Variants in PALM2AKAP2 observed in about 807,000 individuals in gnomAD.
PALM2AKAP2 encodes PALM2 and AKAP2 fusion.
A neutral mutation model predicts 71.5 loss-of-function variants in PALM2AKAP2; 37 were observed. That is an observed-to-expected ratio of 0.52 (90% CI 0.40 to 0.68). The LOEUF (loss-of-function observed/expected upper bound fraction) is 0.68, where lower values mean the gene tolerates loss of function less well. Ranked by LOEUF, PALM2AKAP2 falls within the 30% of genes least tolerant of loss-of-function variation. PALM2AKAP2 has a pLI of 0.00. For missense variants in PALM2AKAP2, 1,224 were observed against 1,191.8 expected (o/e 1.03, Z -0.40); for synonymous variants, 468 against 478.8 (o/e 0.98, Z 0.29).
chr9:109,729,978 T>C (rs968877324), intron 1 of PALM2AKAP2, among the ~76,000 whole-genome samples: 2 of 152,338 alleles, frequency 1.3e-5, no homozygotes, highest in Non-Finnish European at 2.9e-5. Context: ...ATCACTTGTT[T>C]GCATACAACA....
At chr9:110,107,381 TA>T (rs1366269557) in intron 1 of PALM2AKAP2, among the ~76,000 whole-genome samples, 2 of 152,184 alleles carry the variant, frequency 1.3e-5, no homozygotes, top group Non-Finnish European at 2.9e-5. Context: ...ATATAATAAG[TA>T]AATTTTAGAA....
intron 6 of PALM2AKAP2, chr9:109,943,527 A>G: frequency 6.9e-7 from 1 of 1,451,960 alleles, no homozygotes; most frequent in Non-Finnish European, 9.2e-7. Flanking sequence ...GGAAGCAAAC[A>G]CCTGCCTTGC....
chr9:109,943,388 A>C, intron 6 of PALM2AKAP2: 1 of 1,613,096 alleles, frequency 6.2e-7, no homozygotes, highest in Non-Finnish European at 8.5e-7. Flanking sequence ...CCAGGTACCC[A>C]AAAGAAAAAG....
At chr9:109,916,042 C>T (rs965254948) in intron 3 of PALM2AKAP2, among the ~76,000 whole-genome samples, 4 of 151,994 alleles carry the variant, frequency 2.6e-5, no homozygotes, top group Admixed American at 2.0e-4. Flanking sequence ...CTCCCAGGTT[C>T]AAGCGATTCT....
At chr9:109,955,043 T>C (rs143004984) in intron 6 of PALM2AKAP2, among the ~76,000 whole-genome samples, 1 of 152,244 alleles carries the variant, frequency 6.6e-6, no homozygotes, top group East Asian at 1.9e-4. Context: ...TTCTTACTCT[T>C]GGCCCACTTC....
chr9:110,035,591 A>G (rs947253276), intron 7 of PALM2AKAP2, among the ~76,000 whole-genome samples: 2 of 142,086 alleles, frequency 1.4e-5, no homozygotes, highest in Non-Finnish European at 3.0e-5. Context: ...TATATAACAT[A>G]TATAGGATAT....
chr9:109,865,433 G>A (rs951294898), intron 1 of PALM2AKAP2, among the ~76,000 whole-genome samples: 25 of 152,122 alleles, frequency 1.6e-4, no homozygotes, highest in African/African-American at 5.8e-4. Context: ...GGACTAACAT[G>A]AACTCTACAT....
upstream of PALM2AKAP2, among the ~76,000 whole-genome samples, chr9:109,778,212 C>T (rs1829375971): frequency 6.6e-6 from 1 of 152,186 alleles, no homozygotes; most frequent in Non-Finnish European, 1.5e-5. Flanking sequence ...ATTCCTGGGG[C>T]CTGCTTCTAT....
At chr9:110,013,068 G>A (rs1832912910) in intron 6 of PALM2AKAP2, among the ~76,000 whole-genome samples, 1 of 152,126 alleles carries the variant, frequency 6.6e-6, no homozygotes, top group Non-Finnish European at 1.5e-5. Flanking sequence ...AGTTGGCTGG[G>A]GCTTGGCTGA....
At chr9:109,705,270 C>A (rs1828124572) in intron 1 of PALM2AKAP2, among the ~76,000 whole-genome samples, 1 of 152,168 alleles carries the variant, frequency 6.6e-6, no homozygotes, top group Admixed American at 6.6e-5. Flanking sequence ...TCGCCTTTTC[C>A]AAAATGTACC....
At chr9:109,976,522 G>A (rs1832175647) in intron 6 of PALM2AKAP2, among the ~76,000 whole-genome samples, 1 of 152,192 alleles carries the variant, frequency 6.6e-6, no homozygotes, top group East Asian at 1.9e-4. Context: ...GGGTGTTGAA[G>A]GGTGAGTAGA....
At chr9:109,714,580 T>C (rs1828288482) in intron 1 of PALM2AKAP2, among the ~76,000 whole-genome samples, 1 of 152,224 alleles carries the variant, frequency 6.6e-6, no homozygotes, top group African/African-American at 2.4e-5. Context: ...GGATATTACC[T>C]GTGCCCACCA....
chr9:109,993,310 C>T (rs575548571), intron 6 of PALM2AKAP2, among the ~76,000 whole-genome samples: 15 of 152,152 alleles, frequency 9.9e-5, no homozygotes, highest in African/African-American at 3.6e-4. Context: ...CATAGTGTTT[C>T]CACTAAGAGG....
At chr9:109,671,912 GT>G (rs1477383075) in intron 1 of PALM2AKAP2, among the ~76,000 whole-genome samples, 1 of 152,110 alleles carries the variant, frequency 6.6e-6, no homozygotes. Context: ...TGTTGTTGGT[GT>G]ATAAAACTGC....
chr9:109,844,148 G>A (rs190962263), intron 1 of PALM2AKAP2, among the ~76,000 whole-genome samples: 1 of 152,222 alleles, frequency 6.6e-6, no homozygotes, highest in African/African-American at 2.4e-5. Flanking sequence ...CTTCAGCTAA[G>A]TGCTTTCTGG....
chr9:109,652,486 G>A (rs1472406745), intron 1 of PALM2AKAP2, among the ~76,000 whole-genome samples: 3 of 152,158 alleles, frequency 2.0e-5, no homozygotes, highest in African/African-American at 7.2e-5. Flanking sequence ...TATGCTTCTT[G>A]AACAGTCTGC....
intron 1 of PALM2AKAP2, among the ~76,000 whole-genome samples, chr9:109,685,331 T>C (rs905723194): frequency 6.6e-6 from 1 of 152,182 alleles, no homozygotes; most frequent in African/African-American, 2.4e-5. Flanking sequence ...AAAAAGCCGA[T>C]TTTTTACTTG....
chr9:109,984,859 C>T (rs1588044778), intron 6 of PALM2AKAP2, among the ~76,000 whole-genome samples: 1 of 151,846 alleles, frequency 6.6e-6, no homozygotes, highest in Admixed American at 6.6e-5. Context: ...GGCAACAGAG[C>T]CACACCCTGT....
chr9:109,901,560 C>T (rs1830331449), intron 3 of PALM2AKAP2, among the ~76,000 whole-genome samples: 1 of 152,152 alleles, frequency 6.6e-6, no homozygotes, highest in South Asian at 2.1e-4. Context: ...GGAGAAGAGT[C>T]AGAATAGCAG....
Sources: gnomAD v4.1 joint callset for allele counts (sites outside exome capture counted in the v4.1 genomes callset) on GRCh38, gnomAD v4.1.1 for gene constraint, MANE v1.5 for transcripts, NCBI Gene and HGNC (gene_info 2026-07-23, HGNC 2026-07-21) for gene names.